SHISA6: variants seen among roughly 807,000 people sequenced by gnomAD.
SHISA6 encodes the protein protein shisa-6.
Under a neutral mutation model 47.9 loss-of-function variants are expected in SHISA6, and 22 were observed. That is an observed-to-expected ratio of 0.46 (90% CI 0.33 to 0.66). The LOEUF (loss-of-function observed/expected upper bound fraction) is 0.66, where lower values mean the gene tolerates loss of function less well. SHISA6 is among the 30% of genes least tolerant of loss of function. The probability of loss-of-function intolerance (pLI) is 0.02; values close to 1 mark genes in which losing one functional copy is unlikely to be tolerated. For missense variants in SHISA6, 680 were observed against 764.6 expected, an observed-to-expected ratio of 0.89 and a Z score of 1.30; for synonymous variants, 388 against 337.8, an observed-to-expected ratio of 1.15 and a Z score of -1.63.
At chr17:11,429,596 C>A (rs1435648495) in intron 3 of SHISA6, among the ~76,000 whole-genome samples, 3 of 138,962 alleles carry the variant, frequency 2.2e-5, no homozygotes, top group Non-Finnish European at 4.6e-5. Context: ...GCCTGACCAA[C>A]AATGGAGAAA....
intron 1 of SHISA6, among the ~76,000 whole-genome samples, chr17:11,257,489 T>C (rs1487870387): frequency 1.3e-5 from 2 of 151,906 alleles, no homozygotes; most frequent in African/African-American, 4.8e-5. Context: ...GGTGAAACTC[T>C]GTCTCTACAA....
chr17:11,288,831 C>A (rs959104713), intron 2 of SHISA6: 5 of 152,010 alleles, frequency 3.3e-5, no homozygotes, highest in African/African-American at 1.2e-4. Context: ...CTTTTTATTT[C>A]TTTTTCTTGT....
chr17:11,404,641 G>A (rs554946112), intron 3 of SHISA6, among the ~76,000 whole-genome samples: 1 of 152,280 alleles, frequency 6.6e-6, no homozygotes, highest in South Asian at 2.1e-4. Context: ...CTGAACAGGT[G>A]AAACTTTCCT....
At chr17:11,452,960 C>G (rs972326558) in intron 3 of SHISA6, among the ~76,000 whole-genome samples, 27 of 149,136 alleles carry the variant, frequency 1.8e-4, no homozygotes, top group African/African-American at 6.5e-4. Context: ...CCTTCTCATC[C>G]TCTTCTCCTC....
intron 2 of SHISA6, among the ~76,000 whole-genome samples, chr17:11,269,969 T>C (rs1017034149): frequency 1.3e-5 from 2 of 152,336 alleles, no homozygotes; most frequent in Middle Eastern, 3.4e-3. Context: ...TATTTATTTT[T>C]ATTTTGTAAG....
At chr17:11,311,058 G>A (rs1360697458) in intron 2 of SHISA6, among the ~76,000 whole-genome samples, 1 of 136,028 alleles carries the variant, frequency 7.4e-6, no homozygotes, top group Non-Finnish European at 1.5e-5. Context: ...AGTGAGCTGA[G>A]ATTGCGCCAC....
chr17:11,257,434 G>C lies in SHISA6; in HGVS notation c.639-5932G>C, dbSNP rs1382918829. Among the ~76,000 whole-genome samples the C allele has an allele frequency of 2.6e-5, 4 of 152,200 alleles. No individual in the cohort carries two copies. The East Asian group carries it at 7.7e-4, about 29-fold the overall frequency. The stretch of plus-strand genomic sequence containing the variant: ...CCAGCACTTTGGGAGGCTGAGGGAG[G>C]CAGATTGCCTGAGTTTCGGAGTCCG... On this transcript the variant is annotated intron_variant, in intron 1 of 5. Coordinates refer to ENST00000441885, the MANE Select transcript of SHISA6 (RefSeq NM_207386.4).
At chr17:11,417,903 A>T (rs532188862) in intron 3 of SHISA6, among the ~76,000 whole-genome samples, 5 of 152,214 alleles carry the variant, frequency 3.3e-5, no homozygotes, top group Admixed American at 3.3e-4. Context: ...AGGGAAGTTG[A>T]TAAGGAGATG....
chr17:11,395,817 C>T (rs1913553262), intron 3 of SHISA6, among the ~76,000 whole-genome samples: 1 of 152,120 alleles, frequency 6.6e-6, no homozygotes, highest in South Asian at 2.1e-4. Context: ...CGTGCCCGGC[C>T]AGTTTTACTT....
At chr17:11,431,329 G>T (rs971516410) in intron 3 of SHISA6, among the ~76,000 whole-genome samples, 1 of 152,302 alleles carries the variant, frequency 6.6e-6, no homozygotes, top group East Asian at 1.9e-4. Context: ...GGGGAGTGTG[G>T]AGCAGGAAGA....
chr17:11,253,437 C>A (rs950273393), intron 1 of SHISA6, among the ~76,000 whole-genome samples: 25 of 152,052 alleles, frequency 1.6e-4, no homozygotes, highest in Admixed American at 6.6e-5. Flanking sequence ...CAGGCGGGCT[C>A]TTAGTAGACA....
At position 11,382,501 on chromosome 17, in the gene SHISA6, G is replaced by A. The variant is rs187011292; in HGVS notation, c.895+2992G>A. 9.8e-5 allele frequency among the ~76,000 whole-genome samples: 15 copies of A among 152,324 alleles called. 1 individual carries two copies. The East Asian group carries it at 2.7e-3, about 27-fold the overall frequency. Reference sequence around the variant, plus strand: ...CTAAGTTCAACTCTAAGTGCTAGCTGTAAGCAACTGGCCCCATGTAAATAT... The same window carrying A: ...CTAAGTTCAACTCTAAGTGCTAGCTATAAGCAACTGGCCCCATGTAAATAT... On this transcript the variant is annotated intron_variant, in intron 3 of 5. Transcript: ENST00000441885.
At chr17:11,410,953 AT>A (rs946469360) in intron 3 of SHISA6, among the ~76,000 whole-genome samples, 3 of 151,892 alleles carry the variant, frequency 2.0e-5, no homozygotes, top group East Asian at 3.9e-4. Flanking sequence ...AATTCTGTCT[AT>A]TTTTTTTATT....
intron 2 of SHISA6, among the ~76,000 whole-genome samples, chr17:11,300,167 A>G (rs1909876844): frequency 6.7e-6 from 1 of 149,542 alleles, no homozygotes; most frequent in Non-Finnish European, 1.5e-5. Flanking sequence ...AAAAAAAAAG[A>G]AAAACAAGAA....
At chr17:11,288,191 C>T (rs1909388414) in intron 2 of SHISA6, 1 of 152,204 alleles carries the variant, frequency 6.6e-6, no homozygotes, top group Non-Finnish European at 1.5e-5. Flanking sequence ...ATCAATACTT[C>T]CTTAATCTCA....
chr17:11,272,970 C>G (rs1567556715), intron 2 of SHISA6, among the ~76,000 whole-genome samples: 1 of 152,204 alleles, frequency 6.6e-6, no homozygotes, highest in Non-Finnish European at 1.5e-5. Flanking sequence ...GTTGTAGACA[C>G]TCGTGCCCCT....
intron 4 of SHISA6, among the ~76,000 whole-genome samples, chr17:11,552,595 T>TC (rs2071940937): frequency 6.6e-6 from 1 of 152,226 alleles, no homozygotes; most frequent in African/African-American, 2.4e-5. Flanking sequence ...GAATTATCAG[T>TC]CATTTTTGTC....
intron 3 of SHISA6, among the ~76,000 whole-genome samples, chr17:11,527,631 G>T (rs1372806854): frequency 6.6e-6 from 1 of 152,190 alleles, no homozygotes; most frequent in East Asian, 1.9e-4. Context: ...TTGGCACTAT[G>T]AGAGTGGGTC....
chr17:11,245,272 C>T (rs116046261), intron 1 of SHISA6, among the ~76,000 whole-genome samples: 46 of 152,328 alleles, frequency 3.0e-4, no homozygotes, highest in African/African-American at 9.6e-4. Flanking sequence ...CCAGGGCAGC[C>T]GTGCCTGCCT....
Sources: gnomAD v4.1 joint callset for allele counts (sites outside exome capture counted in the v4.1 genomes callset) on GRCh38, gnomAD v4.1.1 for gene constraint, MANE v1.5 for transcripts, NCBI Gene and HGNC (gene_info 2026-07-23, HGNC 2026-07-21) for gene names.